The following CAMTA1 variants were observed in gnomAD, a reference collection of about 807,000 sequenced individuals.
CAMTA1 encodes calmodulin binding transcription activator 1.
Under a neutral mutation model 170.9 loss-of-function variants are expected in CAMTA1, and 27 were observed. The observed-to-expected ratio is 0.16, with a 90% CI of 0.12 to 0.22. The LOEUF (loss-of-function observed/expected upper bound fraction) is 0.22. Among genes scored for constraint, CAMTA1 ranks in the 10% least tolerant of loss-of-function variants. The probability of loss-of-function intolerance (pLI) is 1.00; values close to 1 mark genes in which losing one functional copy is unlikely to be tolerated. For missense variants in CAMTA1, 1,619 were observed against 2,217.2 expected (o/e 0.73, Z 5.42); for synonymous variants, 833 against 891.5 (o/e 0.93, Z 1.17).
chr1:6,846,742 A>G (rs1658324139), intron 3 of CAMTA1, among the ~76,000 whole-genome samples: 1 of 152,202 alleles, frequency 6.6e-6, no homozygotes, highest in Non-Finnish European at 1.5e-5. Context: ...ATGGATACTG[A>G]AGGTTGACAC....
At chr1:7,726,903 G>A (rs1228878577) in intron 11 of CAMTA1, among the ~76,000 whole-genome samples, 6 of 152,198 alleles carry the variant, frequency 3.9e-5, no homozygotes, top group Admixed American at 3.9e-4. Flanking sequence ...ATGTGCCCAT[G>A]GAAACTTGCA....
At chr1:6,869,695 A>G (rs1034748237) in intron 3 of CAMTA1, among the ~76,000 whole-genome samples, 2 of 152,152 alleles carry the variant, frequency 1.3e-5, no homozygotes, top group African/African-American at 4.8e-5. Context: ...ATCACCTAAA[A>G]TGTTGTTATT....
At chr1:6,957,808 AG>A (rs964979041) in intron 3 of CAMTA1, among the ~76,000 whole-genome samples, 13 of 152,108 alleles carry the variant, frequency 8.5e-5, no homozygotes, top group Admixed American at 8.5e-4. Context: ...GGACATCTTT[AG>A]GGGGCCATTA....
chr1:7,409,080 G>A (rs1006945317), intron 5 of CAMTA1, among the ~76,000 whole-genome samples: 2 of 152,156 alleles, frequency 1.3e-5, no homozygotes, highest in African/African-American at 4.8e-5. Context: ...TCGTGACCAC[G>A]GCAGCCTGAG....
intron 3 of CAMTA1, among the ~76,000 whole-genome samples, chr1:6,872,290 A>G (rs1557738506): frequency 6.6e-6 from 1 of 151,734 alleles, no homozygotes; most frequent in Non-Finnish European, 1.5e-5. Flanking sequence ...AGAGTAACTT[A>G]TCTTTCTTTC....
intron 6 of CAMTA1, among the ~76,000 whole-genome samples, chr1:7,618,263 TG>T (rs2095573286): frequency 1.3e-5 from 2 of 152,226 alleles, no homozygotes; most frequent in South Asian, 4.1e-4. Flanking sequence ...GAGTGGTCAG[TG>T]GAGAGATGGC....
chr1:7,254,975 C>T (rs1349451022), intron 5 of CAMTA1, among the ~76,000 whole-genome samples: 5 of 152,146 alleles, frequency 3.3e-5, no homozygotes, highest in South Asian at 2.1e-4. Flanking sequence ...AGCAGGGAGG[C>T]GCTGCGTGTT....
chr1:7,355,705 G>A (rs1265896031), intron 5 of CAMTA1, among the ~76,000 whole-genome samples: 2 of 152,176 alleles, frequency 1.3e-5, no homozygotes, highest in Admixed American at 1.3e-4. Context: ...ATTGTGGCTG[G>A]AGTAAAATCT....
rs368104503 is a variant in CAMTA1 at position 7,748,794 on chromosome 1, A to G, written c.4689+1013A>G. Among the ~76,000 whole-genome samples the G allele has an allele frequency of 1.1e-4, 16 of 152,340 alleles. No homozygotes were observed. In the East Asian group the frequency reaches 2.1e-3, roughly 20 times the overall value. The stretch of plus-strand genomic sequence containing the variant: ...TGTGCACCTTAGTTAAAGGTGCAAG[A>G]AGATTATCTAAGTACTCTTTCATGC... On this transcript the variant is annotated intron_variant, in intron 19 of 22. Coordinates refer to ENST00000303635, the MANE Select transcript of CAMTA1 (RefSeq NM_015215.4). The surrounding 1 kb of genome is among the most constrained non-coding windows in gnomAD (Gnocchi z 4.7).
chr1:7,616,330 T>C (rs2095558402), intron 6 of CAMTA1, among the ~76,000 whole-genome samples: 2 of 152,256 alleles, frequency 1.3e-5, no homozygotes, highest in Non-Finnish European at 2.9e-5. Context: ...TAAAATCACT[T>C]CTTTTTTTCA....
intron 4 of CAMTA1, among the ~76,000 whole-genome samples, chr1:7,211,543 GA>G (rs751592263): frequency 5.9e-4 from 90 of 152,286 alleles, no homozygotes; most frequent in Middle Eastern, 3.4e-3. Flanking sequence ...TCATTATTGT[GA>G]TTTTGAGATT....
chr1:7,744,592 C>T (rs1035114685), intron 16 of CAMTA1, among the ~76,000 whole-genome samples: 2 of 152,100 alleles, frequency 1.3e-5, no homozygotes, highest in African/African-American at 4.8e-5. Context: ...AGAAGTTCTC[C>T]AAGACTGGAC....
At chr1:7,528,034 C>T (rs2094449460) in intron 6 of CAMTA1, among the ~76,000 whole-genome samples, 1 of 152,158 alleles carries the variant, frequency 6.6e-6, no homozygotes, top group South Asian at 2.1e-4. Context: ...AGCCCGTGAC[C>T]ACTGCTGCAC....
intron 11 of CAMTA1, among the ~76,000 whole-genome samples, chr1:7,701,776 A>AGT (rs1200511586): frequency 2.0e-5 from 3 of 152,160 alleles, no homozygotes; most frequent in Non-Finnish European, 4.4e-5. Context: ...CAATGGACTC[A>AGT]TAACTGAGTA....
chr1:6,897,635 G>T (rs1571485593), intron 3 of CAMTA1, among the ~76,000 whole-genome samples: 1 of 152,162 alleles, frequency 6.6e-6, no homozygotes, highest in East Asian at 1.9e-4. Context: ...CTTTCCCACA[G>T]AGATTAATTA....
At chr1:7,752,285 C>G (rs1446025602) in intron 20 of CAMTA1, among the ~76,000 whole-genome samples, 174 bp from the exon 21 acceptor site, 2 of 152,156 alleles carry the variant, frequency 1.3e-5, no homozygotes, top group Non-Finnish European at 2.9e-5. Flanking sequence ...GGACTCGATA[C>G]TATGGGAACA....
intron 3 of CAMTA1, among the ~76,000 whole-genome samples, chr1:7,078,729 G>A (rs371476531): frequency 2.0e-4 from 31 of 152,308 alleles, no homozygotes; most frequent in Middle Eastern, 3.4e-3. Flanking sequence ...TTAGATGATC[G>A]TCAGAGTAGG....
At chr1:7,380,219 G>C (rs112123556) in intron 5 of CAMTA1, among the ~76,000 whole-genome samples, 4 of 152,132 alleles carry the variant, frequency 2.6e-5, no homozygotes, top group African/African-American at 9.7e-5. Flanking sequence ...TTTTCCTGTA[G>C]GCTCAGAAAG....
At chr1:7,022,574 A>G (rs1170257994) in intron 3 of CAMTA1, among the ~76,000 whole-genome samples, 1 of 152,214 alleles carries the variant, frequency 6.6e-6, no homozygotes, top group East Asian at 1.9e-4. Flanking sequence ...CTGAAATCCT[A>G]GAGAGGTAGT....
Sources: gnomAD v4.1 joint callset for allele counts (sites outside exome capture counted in the v4.1 genomes callset) on GRCh38, gnomAD v4.1.1 for gene constraint, Gnocchi (gnomAD v3.1) non-coding constraint, MANE v1.5 for transcripts, NCBI Gene and HGNC (gene_info 2026-07-23, HGNC 2026-07-21) for gene names.